GFRA1: variants seen among roughly 807,000 people sequenced by gnomAD.
GFRA1 encodes the protein GDNF family receptor alpha 1.
Under a neutral mutation model 51.6 loss-of-function variants are expected in GFRA1, and 16 were observed. The observed-to-expected ratio is 0.31, with a 90% CI of 0.21 to 0.47. GFRA1 has a LOEUF of 0.47. GFRA1 is among the 20% of genes least tolerant of loss of function. GFRA1 has a pLI of 1.00. For missense variants in GFRA1, 530 were observed against 594.3 expected, an observed-to-expected ratio of 0.89 and a Z score of 1.13; for synonymous variants, 270 against 241.3, an observed-to-expected ratio of 1.12 and a Z score of -1.10.
intron 5 of GFRA1, among the ~76,000 whole-genome samples, chr10:116,141,906 A>T (rs763337799): frequency 6.6e-6 from 1 of 152,100 alleles, no homozygotes; most frequent in Non-Finnish European, 1.5e-5. Context: ...AGCTCTAAGA[A>T]CATCTGTGAA....
intron 5 of GFRA1, among the ~76,000 whole-genome samples, chr10:116,208,934 G>A (rs1308418717): frequency 6.6e-6 from 1 of 152,122 alleles, no homozygotes; most frequent in East Asian, 1.9e-4. Context: ...ATGGCACTTT[G>A]GAATTCCTGA....
At chr10:116,130,748 A>C (rs998181594) in intron 5 of GFRA1, among the ~76,000 whole-genome samples, 2 of 152,132 alleles carry the variant, frequency 1.3e-5, no homozygotes, top group African/African-American at 4.8e-5. Context: ...AAAAACCTCA[A>C]TCCCTACTTC....
intron 5 of GFRA1, among the ~76,000 whole-genome samples, chr10:116,190,477 C>G (rs866990717): frequency 2.0e-5 from 3 of 152,204 alleles, no homozygotes; most frequent in African/African-American, 4.8e-5. Context: ...CATGGCCTTC[C>G]CCAGAGCTCC....
At chr10:116,198,011 T>G (rs914310769) in intron 5 of GFRA1, among the ~76,000 whole-genome samples, 4 of 152,090 alleles carry the variant, frequency 2.6e-5, no homozygotes, top group Admixed American at 2.0e-4. Context: ...ATGTGAGAAC[T>G]AAATGTGGTA....
intron 5 of GFRA1, 37 bp from the exon 6 acceptor site, chr10:116,125,594 CT>C: frequency 2.6e-6 from 4 of 1,514,254 alleles, no homozygotes; most frequent in Non-Finnish European, 2.7e-6. Context: ...GGTCACAGTG[CT>C]CGGCTCTGTG....
At chr10:116,200,013 T>C (rs1366546213) in intron 5 of GFRA1, among the ~76,000 whole-genome samples, 2 of 152,238 alleles carry the variant, frequency 1.3e-5, no homozygotes, top group Non-Finnish European at 2.9e-5. Flanking sequence ...CTCAGTGTAA[T>C]GTTTCTGAAA....
chr10:116,216,385 A>G (rs1209362753), intron 4 of GFRA1, among the ~76,000 whole-genome samples: 1 of 152,212 alleles, frequency 6.6e-6, no homozygotes, highest in Non-Finnish European at 1.5e-5. Context: ...TTTTATGAGG[A>G]GAACTGGATG....
intron 5 of GFRA1, among the ~76,000 whole-genome samples, chr10:116,197,524 G>A (rs781781605): frequency 2.6e-5 from 4 of 152,120 alleles, no homozygotes; most frequent in Admixed American, 6.5e-5. Context: ...GTGTGTGCAC[G>A]TGCATCTGCA....
In GFRA1 at chr10:116,064,250, T is replaced by TAAAAGGAAAAAAAAA. The variant is rs1193397098; in HGVS notation, c.*133_*147dup. On this transcript the variant is annotated 3_prime_UTR_variant, in exon 11 of 11. Transcript: ENST00000355422. The stretch of plus-strand genomic sequence containing the variant: ...CCCAAAGGATCACAAGAAGCTTTCT[T>TAAAAGGAAAAAAAAA]AAAAGGAAAAAAAAAAAATGTTCCA... 4 of 711,556 alleles carry TAAAAGGAAAAAAAAA rather than the reference T, an allele frequency of 5.6e-6. No individual in the cohort carries two copies. Among genetic ancestry groups the TAAAAGGAAAAAAAAA allele is most frequent in the Non-Finnish European group, 9.4e-6 (4 of 424,398 alleles). 44.1% of individuals were successfully genotyped at this position (711,556 alleles called of 1,614,324 possible). A position where few individuals can be genotyped will look rare whatever the true frequency, so the allele number is the denominator to read the frequency against.
chr10:116,090,089 G>A (rs766397715), intron 8 of GFRA1, among the ~76,000 whole-genome samples, 167 bp from the exon 9 acceptor site: 18 of 152,150 alleles, frequency 1.2e-4, no homozygotes, highest in Non-Finnish European at 2.4e-4. Flanking sequence ...GCCAGTCTTT[G>A]GGGTCAGTTG....
intron 9 of GFRA1, among the ~76,000 whole-genome samples, chr10:116,066,303 C>T (rs565861911): frequency 1.4e-4 from 22 of 152,182 alleles, no homozygotes; most frequent in Middle Eastern, 6.8e-3. Flanking sequence ...ACATAGAATC[C>T]GGGGCTAAGG....
chr10:116,269,194 A>G (rs1316896499), intron 4 of GFRA1, among the ~76,000 whole-genome samples: 5 of 152,178 alleles, frequency 3.3e-5, no homozygotes, highest in African/African-American at 1.2e-4. Flanking sequence ...TACAGACAGA[A>G]GTGGCACTCC....
intron 5 of GFRA1, among the ~76,000 whole-genome samples, chr10:116,192,009 A>G (rs1963311891): frequency 1.3e-5 from 2 of 152,304 alleles, no homozygotes; most frequent in South Asian, 4.1e-4. Flanking sequence ...CCTCGGGGAC[A>G]AGAGTGAGAC....
At chr10:116,232,490 T>C (rs1263798750) in intron 4 of GFRA1, among the ~76,000 whole-genome samples, 1 of 109,904 alleles carries the variant, frequency 9.1e-6, no homozygotes, top group Non-Finnish European at 1.9e-5. Flanking sequence ...GATACTTGAA[T>C]GTTTCCTCAT....
At chr10:116,180,380 T>C (rs896056154) in intron 5 of GFRA1, among the ~76,000 whole-genome samples, 1 of 152,212 alleles carries the variant, frequency 6.6e-6, no homozygotes, top group Non-Finnish European at 1.5e-5. Context: ...CTATGCTCCC[T>C]GACACATATT....
chr10:116,267,940 A>AACACACACACACAC (rs58079628), intron 4 of GFRA1, among the ~76,000 whole-genome samples: 1 of 146,392 alleles, frequency 6.8e-6, no homozygotes, highest in African/African-American at 2.5e-5. Flanking sequence ...CTGACAGACT[A>AACACACACACACAC]ACACACACAC....
chr10:116,070,759 CTTTTTTTTT>C (rs773344299), intron 9 of GFRA1, among the ~76,000 whole-genome samples: 1 of 97,750 alleles, frequency 1.0e-5, no homozygotes, highest in African/African-American at 4.7e-5. Flanking sequence ...AGTCTGGAGC[CTTTTTTTTT>C]TTTTTTTTTT....
intron 6 of GFRA1, among the ~76,000 whole-genome samples, chr10:116,113,266 T>C (rs1957284999): frequency 6.6e-6 from 1 of 151,868 alleles, no homozygotes; most frequent in African/African-American, 2.4e-5. Context: ...AGCTGCTCGA[T>C]GTTATTTTTA....
chr10:116,080,846 G>A (rs914029087), intron 9 of GFRA1, among the ~76,000 whole-genome samples: 1 of 152,192 alleles, frequency 6.6e-6, no homozygotes, highest in African/African-American at 2.4e-5. Context: ...AGCCAGTCAC[G>A]TGGTCAATGA....
Sources: gnomAD v4.1 joint callset for allele counts (sites outside exome capture counted in the v4.1 genomes callset) on GRCh38, gnomAD v4.1.1 for gene constraint, MANE v1.5 for transcripts, NCBI Gene and HGNC (gene_info 2026-07-23, HGNC 2026-07-21) for gene names.